The following HMGCLL1 variants were observed in gnomAD, a reference collection of about 807,000 sequenced individuals.
HMGCLL1 encodes the protein 3-hydroxymethyl-3-methylglutaryl-CoA lyase, cytoplasmic.
HMGCLL1 carries 36 observed loss-of-function variants against 39.1 expected under a neutral mutation model. The observed-to-expected ratio is 0.92, with a 90% CI of 0.71 to 1.22. The LOEUF (loss-of-function observed/expected upper bound fraction) is 1.22, where lower values mean the gene tolerates loss of function less well. Among genes scored for constraint, HMGCLL1 ranks in the 50% most tolerant of loss-of-function variants. The pLI, the probability that HMGCLL1 is intolerant of heterozygous loss-of-function variation, is 0.00. For missense variants in HMGCLL1, 451 were observed against 416.5 expected (o/e 1.08, Z -0.72); for synonymous variants, 149 against 144.0 (o/e 1.03, Z -0.25).
rs1769625267 is a variant in HMGCLL1 at position 55,543,188 on chromosome 6, A to AACATATTATATATT, written c.109-1049_109-1048insAATATATAATATGT. On this transcript the variant is annotated intron_variant, in intron 1 of 8. Coordinates refer to ENST00000274901, the MANE Select transcript of HMGCLL1 (RefSeq NM_001042406.2). ...ATATAATATATAATATATAATATAT[A>AACATATTATATATT]ATATATTATATATTATATATTATAT... is the stretch of plus-strand genomic sequence containing the variant. 1.1e-3 allele frequency among the ~76,000 whole-genome samples: 8 copies of AACATATTATATATT among 7,344 alleles called. 3 individuals are homozygous for AACATATTATATATT. Among genetic ancestry groups the AACATATTATATATT allele is most frequent in the Non-Finnish European group, 2.4e-3 (7 of 2,902 alleles). 4.8% of individuals were successfully genotyped at this position (7,344 alleles called of 152,430 possible).
At chr6:55,453,356 T>C (rs1247787235) in intron 7 of HMGCLL1, among the ~76,000 whole-genome samples, 3 of 152,114 alleles carry the variant, frequency 2.0e-5, no homozygotes, top group Non-Finnish European at 2.9e-5. Flanking sequence ...TTTTTTTGTA[T>C]TTTTAGTAGA....
chr6:55,477,127 T>C (rs182531115), intron 7 of HMGCLL1, among the ~76,000 whole-genome samples: 2,182 of 80,448 alleles, frequency 0.027, 189 homozygotes, highest in African/African-American at 0.1. Context: ...ATATATCATA[T>C]ATATATAATA....
chr6:55,563,055 TG>T (rs1771030861), intron 1 of HMGCLL1, among the ~76,000 whole-genome samples: 1 of 152,086 alleles, frequency 6.6e-6, no homozygotes, highest in African/African-American at 2.4e-5. Context: ...CAAATATATT[TG>T]GATATGGATA....
intron 1 of HMGCLL1, among the ~76,000 whole-genome samples, chr6:55,560,923 T>C (rs1770914650): frequency 6.6e-6 from 1 of 152,184 alleles, no homozygotes; most frequent in Admixed American, 6.6e-5. Flanking sequence ...AATGTTTTTC[T>C]TTTCAATCTC....
chr6:55,516,641 C>A, intron 3 of HMGCLL1, 38 bp from the exon 4 acceptor site: 1 of 1,310,456 alleles, frequency 7.6e-7, no homozygotes, highest in Non-Finnish European at 1.1e-6. Context: ...TGTGTAACTT[C>A]GAATATGTTA....
At chr6:55,591,311 A>G in the HMGCLL1 span, among the ~76,000 whole-genome samples, 2 of 151,926 alleles carry the variant, frequency 1.3e-5, no homozygotes, top group Admixed American at 6.6e-5. Flanking sequence ...GGAGAACATC[A>G]TAAAGTTAAA....
At chr6:55,565,263 T>C (rs116570494) in intron 1 of HMGCLL1, among the ~76,000 whole-genome samples, 2,397 of 152,070 alleles carry the variant, frequency 0.016, 63 homozygotes, top group African/African-American at 0.054. Flanking sequence ...TTTCCTTATA[T>C]TGAAAGTGAG....
At chr6:55,647,852 C>T in the HMGCLL1 span, among the ~76,000 whole-genome samples, 5,561 of 117,104 alleles carry the variant, frequency 0.047, 212 homozygotes, top group Non-Finnish European at 0.069. Flanking sequence ...ATGTGCCATG[C>T]TGGTGCGCTG....
chr6:55,609,059 C>T, the HMGCLL1 span, among the ~76,000 whole-genome samples: 10 of 152,230 alleles, frequency 6.6e-5, no homozygotes, highest in Admixed American at 5.2e-4. Context: ...GTGCAACCCA[C>T]GGATCGAAAG....
At chr6:55,668,107 T>C in the HMGCLL1 span, among the ~76,000 whole-genome samples, 2 of 151,864 alleles carry the variant, frequency 1.3e-5, no homozygotes, top group Non-Finnish European at 2.9e-5. Context: ...TGAGACACTT[T>C]CATTTAGATG....
the HMGCLL1 span, among the ~76,000 whole-genome samples, chr6:55,612,247 C>G: frequency 6.6e-5 from 10 of 151,944 alleles, no homozygotes; most frequent in Admixed American, 5.2e-4. Context: ...CAAGGGATGC[C>G]AAGGGCCTTT....
At chr6:55,657,929 G>A in the HMGCLL1 span, among the ~76,000 whole-genome samples, 1 of 151,890 alleles carries the variant, frequency 6.6e-6, no homozygotes, top group South Asian at 2.1e-4. Context: ...GGAAGGAGGG[G>A]GGAGGATCAG....
intron 7 of HMGCLL1, among the ~76,000 whole-genome samples, chr6:55,473,795 T>C (rs973928475): frequency 1.1e-4 from 17 of 151,494 alleles, no homozygotes; most frequent in African/African-American, 3.4e-4. Flanking sequence ...GGCAGATATA[T>C]TGATGGAATC....
intron 5 of HMGCLL1, among the ~76,000 whole-genome samples, chr6:55,501,999 A>G (rs1298927489): frequency 6.6e-6 from 1 of 151,686 alleles, no homozygotes. Flanking sequence ...GCAAACTCCA[A>G]TTGCTCCATT....
chr6:55,550,810 G>C (rs4323306), intron 1 of HMGCLL1, among the ~76,000 whole-genome samples: 27,671 of 151,406 alleles, frequency 0.18, 2,818 homozygotes, highest in Admixed American at 0.25. Flanking sequence ...AATTTTGGTT[G>C]TCAAAATTGC....
intron 3 of HMGCLL1, among the ~76,000 whole-genome samples, chr6:55,525,367 AT>A (rs1270332287): frequency 6.6e-6 from 1 of 152,024 alleles, no homozygotes; most frequent in African/African-American, 2.4e-5. Flanking sequence ...GTCCCTTCAA[AT>A]ATTCTAAATG....
chr6:55,598,304 G>A, the HMGCLL1 span, among the ~76,000 whole-genome samples: 1 of 151,856 alleles, frequency 6.6e-6, no homozygotes, highest in East Asian at 1.9e-4. Flanking sequence ...AGCTTGTGTT[G>A]AAAAAAATTA....
intron 7 of HMGCLL1, among the ~76,000 whole-genome samples, chr6:55,477,309 TATATAATATA>T (rs1765443889): frequency 7.4e-5 from 1 of 13,552 alleles, no homozygotes; most frequent in Non-Finnish European, 9.8e-5. Context: ...ATATATTATA[TATATAATATA>T]TATTATATTA....
At chr6:55,613,016 C>G in the HMGCLL1 span, among the ~76,000 whole-genome samples, 1 of 152,002 alleles carries the variant, frequency 6.6e-6, no homozygotes, top group South Asian at 2.1e-4. Context: ...AATAGGCAAC[C>G]TAGAGAATGG....
Sources: allele counts gnomAD v4.1 joint callset (sites outside exome capture counted in the v4.1 genomes callset), GRCh38; gene constraint gnomAD v4.1.1; transcripts MANE v1.5; gene names NCBI Gene and HGNC (gene_info 2026-07-23, HGNC 2026-07-21).